Variants in ABRAXAS2 observed in about 807,000 individuals in gnomAD.
ABRAXAS2 encodes the protein BRISC complex subunit Abraxas 2.
A neutral mutation model predicts 49.0 loss-of-function variants in ABRAXAS2; 23 were observed. The ratio of observed to expected loss-of-function variants is 0.47; its 90% CI spans 0.34 to 0.66. The LOEUF is 0.66. Among genes scored for constraint, ABRAXAS2 ranks in the 30% least tolerant of loss-of-function variants. ABRAXAS2 has a pLI of 0.01. For synonymous variants in ABRAXAS2, 168 were observed against 180.2 expected (o/e 0.93, Z 0.54); for missense variants, 443 against 511.9 (o/e 0.87, Z 1.30).
chr10:124,811,205 C>T (rs1352800119), intron 2 of ABRAXAS2, among the ~76,000 whole-genome samples: 1 of 151,772 alleles, frequency 6.6e-6, no homozygotes. Flanking sequence ...GAGCAAGACT[C>T]CATCTCAAAA....
intron 4 of ABRAXAS2, among the ~76,000 whole-genome samples, chr10:124,821,535 T>C (rs1216796597): frequency 6.7e-6 from 1 of 148,460 alleles, no homozygotes; most frequent in Non-Finnish European, 1.5e-5. Flanking sequence ...CACTGCACAC[T>C]CCCACCTGGG....
At chr10:124,834,038 G>A (rs905805327) in intron 8 of ABRAXAS2, among the ~76,000 whole-genome samples, 4 of 152,118 alleles carry the variant, frequency 2.6e-5, no homozygotes, top group Non-Finnish European at 5.9e-5. Context: ...TTGATAGGAG[G>A]CTGCCAAAGA....
intron 1 of ABRAXAS2, among the ~76,000 whole-genome samples, chr10:124,806,231 G>A (rs1340030687): frequency 2.6e-5 from 4 of 151,800 alleles, no homozygotes; most frequent in East Asian, 1.9e-4. Flanking sequence ...GCATGAACCC[G>A]GAAGGTGGAG....
At chr10:124,803,429 T>A (rs1008381311) in intron 1 of ABRAXAS2, among the ~76,000 whole-genome samples, 1 of 152,242 alleles carries the variant, frequency 6.6e-6, no homozygotes, top group Non-Finnish European at 1.5e-5. Flanking sequence ...TACATACTTA[T>A]TTTGTCCAGT....
chr10:124,806,819 A>T lies in ABRAXAS2; in HGVS notation c.73-12A>T. 6.5e-7 allele frequency: 1 copy of T among 1,548,726 alleles called. No individual in the cohort carries two copies. The highest frequency in any genetic ancestry group is 8.8e-7 in the Non-Finnish European group (1 of 1,132,966). On this transcript the variant is annotated splice_polypyrimidine_tract_variant and intron_variant, in intron 1 of 8. Transcript: ENST00000298492. ...TTTTTAGTCTGCAATTATTTTCTTT[A>T]ATTACTTTTAGGAAGGATTTTTACT...
rs199537681 is a variant in ABRAXAS2, at chr10:124,826,656, A to G, written c.329A>G (p.Gln110Arg). Reference protein sequence around the residue: ...NTQQQMSYREQVLHKQLTRIL... With the variant: ...NTQQQMSYRERVLHKQLTRIL... ...CAGCAGCAGATGTCCTACAGAGAGC[A>G]GGTTCTTCACAAGCAGCTCACCCGC... Residue 110 changes from glutamine to arginine, a missense_variant, in exon 5 of 9, where the codon CAG (glutamine) becomes CGG (arginine). By Grantham distance (43) the Gln-to-Arg change is conservative. Coordinates refer to ENST00000298492, the MANE Select transcript of ABRAXAS2 (RefSeq NM_032182.4). 1 of 1,614,230 alleles carries G rather than the reference A, an allele frequency of 6.2e-7. No individual in the cohort carries two copies.
chr10:124,829,351 T>C (rs368544409), intron 6 of ABRAXAS2, 42 bp from the exon 7 acceptor site: 2 of 1,363,532 alleles, frequency 1.5e-6, no homozygotes, highest in African/African-American at 2.8e-5. Context: ...TTCACCGCAG[T>C]TATGATAACC....
chr10:124,810,112 G>A (rs1950777488), intron 2 of ABRAXAS2, among the ~76,000 whole-genome samples: 2 of 152,126 alleles, frequency 1.3e-5, no homozygotes, highest in Non-Finnish European at 2.9e-5. Context: ...TATATTTTAT[G>A]TGTGGACCAA....
At position 124,826,983 on chromosome 10, in the gene ABRAXAS2, A is replaced by C. The variant is rs998251871; in HGVS notation, c.458+198A>C. Among the ~76,000 whole-genome samples the C allele has an allele frequency of 4.0e-5, 6 of 151,236 alleles. No homozygotes were observed. In the South Asian group the frequency reaches 8.4e-4, roughly 21 times the overall value. Reference sequence around the variant, plus strand: ...GTGGCACGTGGCTGTATTCCCAGCTACTCGGGAGGCTGAGGCAGAAGAATC... The same window carrying C: ...GTGGCACGTGGCTGTATTCCCAGCTCCTCGGGAGGCTGAGGCAGAAGAATC... On this transcript the variant is annotated intron_variant, in intron 5 of 8. Coordinates refer to ENST00000298492, the MANE Select transcript of ABRAXAS2 (RefSeq NM_032182.4).
intron 1 of ABRAXAS2, among the ~76,000 whole-genome samples, chr10:124,804,427 A>C (rs1950726794): frequency 6.6e-6 from 1 of 152,236 alleles, no homozygotes; most frequent in Admixed American, 6.5e-5. Context: ...CCAGCAACCC[A>C]GTGCTGTAGA....
In ABRAXAS2 at chr10:124,818,014, C is replaced by T. The variant is rs546944570; in HGVS notation, c.201-1370C>T. ...ATTTGGTCTTGACTGTCCAAAGCTTCTCTAGGTGTACCCTGCCTCAGCCTT... is the reference window on the plus strand; with the variant it reads ...ATTTGGTCTTGACTGTCCAAAGCTTTTCTAGGTGTACCCTGCCTCAGCCTT... On this transcript the variant is annotated intron_variant, in intron 3 of 8. Coordinates refer to ENST00000298492, the MANE Select transcript of ABRAXAS2 (RefSeq NM_032182.4). Among the ~76,000 whole-genome samples the T allele has an allele frequency of 1.1e-4, 17 of 152,294 alleles. No homozygotes were observed. The East Asian group carries it at 3.3e-3, about 29-fold the overall frequency.
chr10:124,834,373 T>G, intron 8 of ABRAXAS2, 129 bp from the exon 9 acceptor site: 1 of 693,782 alleles, frequency 1.4e-6, no homozygotes, highest in Non-Finnish European at 2.4e-6. Context: ...TGTAAAATAA[T>G]TAATAGTGAC....
intron 2 of ABRAXAS2, among the ~76,000 whole-genome samples, chr10:124,814,568 T>TA (rs1030919866): frequency 1.3e-5 from 2 of 152,086 alleles, no homozygotes; most frequent in Non-Finnish European, 2.9e-5. Context: ...CTTGAACCCC[T>TA]AACCTCAGGT....
intron 2 of ABRAXAS2, among the ~76,000 whole-genome samples, chr10:124,812,280 C>T (rs761943606): frequency 5.3e-5 from 8 of 152,090 alleles, no homozygotes; most frequent in Non-Finnish European, 1.0e-4. Flanking sequence ...TTCATTGAAA[C>T]GATTATGGAC....
chr10:124,824,639 T>G (rs1950886166), intron 4 of ABRAXAS2, among the ~76,000 whole-genome samples: 1 of 152,154 alleles, frequency 6.6e-6, no homozygotes, highest in South Asian at 2.1e-4. Flanking sequence ...ATAGCCACCT[T>G]GCAAGATTCT....
rs1164979189 is a variant in ABRAXAS2 at position 124,809,351 on chromosome 10, G to A, written c.163+2430G>A. 7.9e-5 allele frequency among the ~76,000 whole-genome samples: 12 copies of A among 151,444 alleles called. No individual in the cohort carries two copies. The East Asian group carries it at 2.2e-3, about 27-fold the overall frequency. ...GTTGCCCAGGCTGGAGGGCAGTGGC[G>A]TCAGCTCACTGCAACCTCCGCATCC... On this transcript the variant is annotated intron_variant, in intron 2 of 8. Coordinates refer to ENST00000298492, the MANE Select transcript of ABRAXAS2 (RefSeq NM_032182.4).
rs1001275401 is a variant in ABRAXAS2, at chr10:124,835,558, T to C, written c.*587T>C. 3.9e-5 allele frequency: 6 copies of C among 152,576 alleles called. No individual in the cohort carries two copies. Among genetic ancestry groups the C allele is most frequent in the African/African-American group, 1.4e-4 (6 of 41,444 alleles). The allele number at this position is 152,576 out of a possible 1,614,324, so 9.5% of individuals were successfully genotyped here. A position where few individuals can be genotyped will look rare whatever the true frequency, so the allele number is the denominator to read the frequency against. On this transcript the variant is annotated 3_prime_UTR_variant, in exon 9 of 9. Coordinates refer to ENST00000298492, the MANE Select transcript of ABRAXAS2 (RefSeq NM_032182.4). ...GGCTTCCAACTTTTTTCTACTAGCT[T>C]GATATGTATTATCACTTAAAATGGT... is the stretch of plus-strand genomic sequence containing the variant.
intron 2 of ABRAXAS2, among the ~76,000 whole-genome samples, chr10:124,811,136 G>A (rs887444450): frequency 5.9e-5 from 9 of 151,930 alleles, no homozygotes; most frequent in East Asian, 4.0e-4. Context: ...ACGTGAACCC[G>A]GGATGCGGAG....
intron 1 of ABRAXAS2, among the ~76,000 whole-genome samples, chr10:124,803,109 C>T (rs1258855752): frequency 1.3e-5 from 2 of 152,080 alleles, no homozygotes; most frequent in African/African-American, 4.8e-5. Context: ...CCCTAGTGTC[C>T]ATGGACTATT....
Sources: gnomAD v4.1 joint callset for allele counts (sites outside exome capture counted in the v4.1 genomes callset) on GRCh38, gnomAD v4.1.1 for gene constraint, MANE v1.5 for transcripts, NCBI Gene and HGNC (gene_info 2026-07-23, HGNC 2026-07-21) for gene names.